The following CDH13 variants were observed in gnomAD, a reference collection of about 807,000 sequenced individuals.
CDH13 encodes the protein cadherin 13.
A neutral mutation model predicts 63.8 loss-of-function variants in CDH13; 24 were observed. The observed-to-expected ratio is 0.38, with a 90% CI of 0.27 to 0.53. The LOEUF (loss-of-function observed/expected upper bound fraction) is 0.53, where lower values mean the gene tolerates loss of function less well. CDH13 is among the 20% of genes least tolerant of loss of function. The probability of loss-of-function intolerance (pLI) is 0.85; values close to 1 mark genes in which losing one functional copy is unlikely to be tolerated. For missense variants in CDH13, 1,049 were observed against 903.1 expected (o/e 1.16, Z -2.07); for synonymous variants, 503 against 355.3 (o/e 1.42, Z -4.67).
chr16:83,450,543 G>A (rs1240871430), intron 6 of CDH13, among the ~76,000 whole-genome samples: 3 of 151,996 alleles, frequency 2.0e-5, no homozygotes, highest in East Asian at 1.9e-4. Context: ...TAAATCGAAC[G>A]GAAAAAAATG....
At chr16:83,532,061 A>G (rs62042317) in intron 7 of CDH13, among the ~76,000 whole-genome samples, 3,974 of 152,108 alleles carry the variant, frequency 0.026, 78 homozygotes, top group East Asian at 0.085. Flanking sequence ...GTCTCATGAG[A>G]TCTGATGGTT....
chr16:83,260,749 A>G (rs1258567527), intron 5 of CDH13, among the ~76,000 whole-genome samples: 1 of 152,172 alleles, frequency 6.6e-6, no homozygotes, highest in Non-Finnish European at 1.5e-5. Context: ...CTTCAAGGGC[A>G]TCTTATTGTC....
intron 6 of CDH13, among the ~76,000 whole-genome samples, chr16:83,346,007 C>T (rs2090831879): frequency 6.6e-6 from 1 of 152,132 alleles, no homozygotes; most frequent in African/African-American, 2.4e-5. Flanking sequence ...TCCCAGACAA[C>T]CAGGTGGATA....
At chr16:82,789,477 G>T (rs1011705689) in intron 1 of CDH13, among the ~76,000 whole-genome samples, 1 of 152,156 alleles carries the variant, frequency 6.6e-6, no homozygotes, top group African/African-American at 2.4e-5. Context: ...TTAGTGGTGT[G>T]GCTTTGAAAC....
chr16:83,119,412 C>T (rs1238068111), intron 3 of CDH13, among the ~76,000 whole-genome samples: 1 of 152,160 alleles, frequency 6.6e-6, no homozygotes, highest in Admixed American at 6.5e-5. Flanking sequence ...CCAGCAGGCT[C>T]CTCAACGTCA....
At chr16:83,618,135 G>GT (rs1008308905) in intron 8 of CDH13, among the ~76,000 whole-genome samples, 8 of 134,278 alleles carry the variant, frequency 6.0e-5, no homozygotes, top group African/African-American at 2.9e-4. Context: ...TTGTTGCAAA[G>GT]CACTTGCGGC....
intron 4 of CDH13, among the ~76,000 whole-genome samples, chr16:83,178,426 C>T (rs1169325543): frequency 6.6e-6 from 1 of 152,160 alleles, no homozygotes; most frequent in African/African-American, 2.4e-5. Context: ...TAAGATTCTT[C>T]TTGGGACCAT....
intron 6 of CDH13, among the ~76,000 whole-genome samples, chr16:83,432,626 C>T (rs1248992584): frequency 4.6e-5 from 7 of 152,276 alleles, no homozygotes; most frequent in South Asian, 4.1e-4. Context: ...GGAGCCACCA[C>T]GTGTCACTTC....
At chr16:83,596,128 G>A (rs1907231487) in intron 7 of CDH13, among the ~76,000 whole-genome samples, 1 of 152,210 alleles carries the variant, frequency 6.6e-6, no homozygotes, top group East Asian at 1.9e-4. Flanking sequence ...ACTTGATCTT[G>A]AGAATGGGGT....
At chr16:83,451,660 G>T (rs934121663) in intron 6 of CDH13, among the ~76,000 whole-genome samples, 1 of 152,122 alleles carries the variant, frequency 6.6e-6, no homozygotes, top group African/African-American at 2.4e-5. Context: ...TGGGACCACT[G>T]GTATGCACCA....
At chr16:83,058,210 G>T (rs751547927) in intron 3 of CDH13, among the ~76,000 whole-genome samples, 1 of 152,146 alleles carries the variant, frequency 6.6e-6, no homozygotes, top group African/African-American at 2.4e-5. Flanking sequence ...CTTTGTGAGG[G>T]GAGATGGCAG....
intron 1 of CDH13, among the ~76,000 whole-genome samples, chr16:82,852,186 T>G (rs2039520362): frequency 6.6e-6 from 1 of 152,226 alleles, no homozygotes; most frequent in South Asian, 2.1e-4. Flanking sequence ...TGTCATGTTT[T>G]TCTTCAGTCC....
chr16:82,681,246 G>T (rs1014575106), intron 1 of CDH13, among the ~76,000 whole-genome samples: 12 of 152,216 alleles, frequency 7.9e-5, no homozygotes, highest in East Asian at 3.8e-4. Context: ...GATGCCGGTG[G>T]CAACGACCCC....
intron 2 of CDH13, among the ~76,000 whole-genome samples, chr16:82,890,037 C>T (rs1449688504): frequency 6.6e-6 from 1 of 152,202 alleles, no homozygotes; most frequent in Non-Finnish European, 1.5e-5. Context: ...AGTGCTATAT[C>T]TAATAAAACT....
At chr16:83,080,237 C>G (rs377433747) in intron 3 of CDH13, among the ~76,000 whole-genome samples, 3 of 151,972 alleles carry the variant, frequency 2.0e-5, no homozygotes, top group African/African-American at 4.8e-5. Context: ...GTTCAGGGCC[C>G]CATGTTGCTC....
chr16:82,668,814 G>C (rs1176923506), intron 1 of CDH13, among the ~76,000 whole-genome samples: 1 of 152,212 alleles, frequency 6.6e-6, no homozygotes, highest in Admixed American at 6.5e-5. Flanking sequence ...AAAGCAAGGA[G>C]TGACGATGTC....
chr16:82,881,241 C>G (rs762445787), intron 2 of CDH13, among the ~76,000 whole-genome samples: 7 of 152,096 alleles, frequency 4.6e-5, no homozygotes, highest in Non-Finnish European at 8.8e-5. Context: ...CATAGGGGTT[C>G]AAGCTCCCAT....
chr16:83,095,130 G>T (rs1023721708), intron 3 of CDH13, among the ~76,000 whole-genome samples: 6 of 152,156 alleles, frequency 3.9e-5, no homozygotes, highest in African/African-American at 1.4e-4. Flanking sequence ...ACCCTGATTT[G>T]TGGTGTTTGC....
chr16:82,644,020 G>T lies in CDH13; in HGVS notation c.45+16883G>T, dbSNP rs947941424. ...CAGGAGTAGCTGGCATTACAGGCTT[G>T]GCTGACTTTTAAAAGTAGTAAGTGG... On this transcript the variant is annotated intron_variant, in intron 1 of 13. Transcript: ENST00000567109. The surrounding 1 kb of genome is among the most constrained non-coding windows in gnomAD (Gnocchi z 5.7). Among the ~76,000 whole-genome samples, 1 of 152,158 alleles carries T rather than the reference G, an allele frequency of 6.6e-6. No individual in the cohort carries two copies. The highest frequency in any genetic ancestry group is 1.5e-5 in the Non-Finnish European group (1 of 68,008).
Sources: allele counts gnomAD v4.1 joint callset (sites outside exome capture counted in the v4.1 genomes callset), GRCh38; gene constraint gnomAD v4.1.1; non-coding constraint Gnocchi (gnomAD v3.1); transcripts MANE v1.5; gene names NCBI Gene and HGNC (gene_info 2026-07-23, HGNC 2026-07-21).